Variants in DYM observed in about 807,000 individuals in gnomAD.
DYM encodes dyggve-Melchior-Clausen syndrome protein.
DYM carries 78 observed loss-of-function variants against 93.1 expected under a neutral mutation model. That is an observed-to-expected ratio of 0.84 (90% CI 0.70 to 1.01). The LOEUF (loss-of-function observed/expected upper bound fraction) is 1.01. Among genes scored for constraint, DYM ranks in the 50% least tolerant of loss-of-function variants. The pLI is 0.00. For synonymous variants in DYM, 321 were observed against 319.7 expected (o/e 1.00, Z -0.04); for missense variants, 789 against 845.0 (o/e 0.93, Z 0.82).
chr18:49,287,082 T>G (rs1042047391), intron 8 of DYM, among the ~76,000 whole-genome samples: 1 of 151,900 alleles, frequency 6.6e-6, no homozygotes, highest in African/African-American at 2.4e-5. Context: ...TCCCAGCTAC[T>G]TGGCTGAGGC....
At chr18:49,266,352 A>C (rs1311730620) in intron 11 of DYM, among the ~76,000 whole-genome samples, 1 of 152,160 alleles carries the variant, frequency 6.6e-6, no homozygotes, top group Non-Finnish European at 1.5e-5. Flanking sequence ...ATGGTGGCTC[A>C]CACCTGTAAT....
At chr18:49,369,946 G>A (rs917779476) in intron 5 of DYM, among the ~76,000 whole-genome samples, 6 of 152,174 alleles carry the variant, frequency 3.9e-5, no homozygotes, top group Non-Finnish European at 8.8e-5. Flanking sequence ...AGTGCTCACA[G>A]AGCTGCCCAC....
At chr18:49,287,828 CAAAAAA>C (rs55895967) in intron 8 of DYM, among the ~76,000 whole-genome samples, 6 of 74,976 alleles carry the variant, frequency 8.0e-5, no homozygotes, top group African/African-American at 2.8e-4. Flanking sequence ...AACTCCGTCT[CAAAAAA>C]AAAAAAAAAA....
chr18:49,148,981 C>A (rs1307592633), intron 15 of DYM, among the ~76,000 whole-genome samples: 1 of 152,116 alleles, frequency 6.6e-6, no homozygotes, highest in African/African-American at 2.4e-5. Flanking sequence ...AATAATTATA[C>A]AACTTACCAT....
At chr18:49,125,005 A>C (rs1379439682) in intron 15 of DYM, among the ~76,000 whole-genome samples, 1 of 152,214 alleles carries the variant, frequency 6.6e-6, no homozygotes, top group Non-Finnish European at 1.5e-5. Context: ...CACGCCTGTA[A>C]TCCCAGCACT....
intron 16 of DYM, among the ~76,000 whole-genome samples, chr18:49,114,031 T>C (rs2081684987): frequency 6.6e-6 from 1 of 152,134 alleles, no homozygotes. Flanking sequence ...CTATTTCCCT[T>C]CTCTAGCCCT....
At chr18:49,351,431 T>C (rs1326978638) in intron 6 of DYM, among the ~76,000 whole-genome samples, 2 of 151,736 alleles carry the variant, frequency 1.3e-5, no homozygotes, top group African/African-American at 2.4e-5. Context: ...AAAGAAATAT[T>C]GAATAACACA....
At chr18:49,153,700 A>G (rs1440608981) in intron 15 of DYM, among the ~76,000 whole-genome samples, 1 of 152,220 alleles carries the variant, frequency 6.6e-6, no homozygotes, top group Non-Finnish European at 1.5e-5. Flanking sequence ...GAATAAGTAA[A>G]TACACGAGGG....
intron 8 of DYM, among the ~76,000 whole-genome samples, chr18:49,290,334 A>G (rs2060030826): frequency 6.6e-6 from 1 of 152,012 alleles, no homozygotes; most frequent in Admixed American, 6.6e-5. Context: ...AAAATCACTT[A>G]CCAAACCATA....
intron 15 of DYM, among the ~76,000 whole-genome samples, chr18:49,161,497 G>A (rs546577097): frequency 5.5e-4 from 84 of 152,226 alleles, no homozygotes; most frequent in South Asian, 1.9e-3. Flanking sequence ...CAAAACATTT[G>A]CAGATGACCC....
In DYM at chr18:49,129,721, C is replaced by T. The variant is rs183514924; in HGVS notation, c.1729-10795G>A. On this transcript the variant is annotated intron_variant, in intron 15 of 17. Coordinates refer to ENST00000675505, the MANE Select transcript of DYM (RefSeq NM_001353214.3). ...ACTGAAGAGGGCCCCTCTACCACTG[C>T]TCAAGCTTGCAGGAGGTGATAACTG... Among the ~76,000 whole-genome samples, 6 of 152,280 alleles carry T rather than the reference C, an allele frequency of 3.9e-5. No individual in the cohort carries two copies. The East Asian group carries it at 1.2e-3, about 29-fold the overall frequency.
At chr18:49,321,824 T>A (rs1184785279) in intron 8 of DYM, among the ~76,000 whole-genome samples, 1 of 152,058 alleles carries the variant, frequency 6.6e-6, no homozygotes, top group Non-Finnish European at 1.5e-5. Flanking sequence ...AGAGATGAAA[T>A]GAGAATATAA....
intron 8 of DYM, chr18:49,321,382 T>A: frequency 2.5e-6 from 1 of 398,122 alleles, no homozygotes; most frequent in Non-Finnish European, 4.4e-6. Context: ...TCAAATCTGT[T>A]AACAAGAAAA....
intron 6 of DYM, among the ~76,000 whole-genome samples, chr18:49,353,679 T>G (rs1313967692): frequency 6.6e-6 from 1 of 151,958 alleles, no homozygotes; most frequent in Non-Finnish European, 1.5e-5. Context: ...TACATTTACA[T>G]TAAGAACCAA....
At chr18:49,187,475 CATTAACAT>C (rs1399742308) in intron 14 of DYM, among the ~76,000 whole-genome samples, 2 of 152,124 alleles carry the variant, frequency 1.3e-5, no homozygotes, top group Non-Finnish European at 2.9e-5. Flanking sequence ...TTAGAAATCC[CATTAACAT>C]ATTTTTCAGC....
rs1568319617 is a variant in DYM at position 49,363,207 on chromosome 18, C to A, written c.448G>T (p.Glu150Ter). 6.2e-7 allele frequency: 1 copy of A among 1,613,960 alleles called. No individual in the cohort carries two copies. Among genetic ancestry groups the A allele is most frequent in the East Asian group, 2.2e-5 (1 of 44,822 alleles). The part of the protein sequence containing the change: ...YSSDSEDLLE[E>*]LLCCLMQLIT... ...AACTGCATCAAACAGCACAGCAATT[C>A]TTCCAAAAGATCTTCTGAGTCAGAA... is the stretch of plus-strand genomic sequence containing the variant. The change falls in exon 6 of 18, where the codon GAA becomes TAA. Residue 150 changes from glutamate (E) to a stop codon, truncating the protein, a stop_gained. Transcript: ENST00000675505. LOFTEE classifies it high-confidence loss of function.
Position 49,066,147 on chromosome 18 carries a change from A to G in DYM, c.2026-21943T>C, listed in dbSNP as rs969564397. Among the ~76,000 whole-genome samples the G allele has an allele frequency of 3.4e-4, 51 of 151,978 alleles. 1 individual carries two copies. Among genetic ancestry groups the G allele is most frequent in the Admixed American group, 2.9e-3 (45 of 15,268 alleles). On this transcript the variant is annotated intron_variant, in intron 17 of 17. Coordinates refer to ENST00000675505, the MANE Select transcript of DYM (RefSeq NM_001353214.3). ...CGTTTTTTGCCATATAGCAAAAACC[A>G]CGATTACTTTTGCACCAACCTATAG...
intron 17 of DYM, among the ~76,000 whole-genome samples, chr18:49,062,645 GT>G (rs941973739): frequency 6.6e-6 from 1 of 152,214 alleles, no homozygotes; most frequent in African/African-American, 2.4e-5. Flanking sequence ...TGGCCATGCT[GT>G]TTGCCATTTG....
intron 2 of DYM, among the ~76,000 whole-genome samples, chr18:49,428,293 T>C (rs967886164): frequency 1.3e-5 from 2 of 148,770 alleles, no homozygotes; most frequent in Admixed American, 6.7e-5. Flanking sequence ...TCTAAAAAGG[T>C]AGAAGAAAAA....
Sources: allele counts gnomAD v4.1 joint callset (sites outside exome capture counted in the v4.1 genomes callset), GRCh38; gene constraint gnomAD v4.1.1; transcripts MANE v1.5; gene names NCBI Gene and HGNC (gene_info 2026-07-23, HGNC 2026-07-21).